Variants in STAB1 observed in about 807,000 individuals in gnomAD.
STAB1 encodes the protein stabilin-1.
A neutral mutation model predicts 332.4 loss-of-function variants in STAB1; 250 were observed. The ratio of observed to expected loss-of-function variants is 0.75; its 90% confidence interval spans 0.68 to 0.84. The LOEUF (loss-of-function observed/expected upper bound fraction) is 0.84, where lower values mean the gene tolerates loss of function less well. Ranked by LOEUF, STAB1 falls within the 40% of genes least tolerant of loss-of-function variation. STAB1 has a pLI of 0.00. For missense variants in STAB1, 3,249 were observed against 3,489.7 expected (o/e 0.93, Z 1.74); for synonymous variants, 1,475 against 1,390.4 (o/e 1.06, Z -1.35).
At chr3:52,521,203 G>A (rs2079060722) in intron 55 of STAB1, among the ~76,000 whole-genome samples, 158 bp from the exon 56 acceptor site, 1 of 152,138 alleles carries the variant, frequency 6.6e-6, no homozygotes, top group Non-Finnish European at 1.5e-5. Context: ...GAGGAGTGCT[G>A]GGGGGTCTGG....
intron 41 of STAB1, 81 bp from the exon 42 acceptor site, chr3:52,516,903 C>T: frequency 6.2e-7 from 1 of 1,601,236 alleles, no homozygotes; most frequent in Non-Finnish European, 8.5e-7. Context: ...CTGACCTTTT[C>T]CTTTCTCTCA....
At chr3:52,523,155 G>A in intron 63 of STAB1, 21 bp downstream of exon 63, 1 of 1,608,996 alleles carries the variant, frequency 6.2e-7, no homozygotes, top group African/African-American at 1.3e-5. Flanking sequence ...GCCACCCTTG[G>A]GGGCGGGGGG....
chr3:52,502,670 C>T lies in STAB1; in HGVS notation c.526C>T (p.Arg176Cys), dbSNP rs200400313. ...CVHGVCNHGP[R>C]GDGSCLCFAG... is the part of the protein sequence containing the mutation. ...GCACGGAGTGTGCAACCATGGGCCA[C>T]GTGGGGATGGAAGCTGCCTGTGCTT... Residue 176 changes from arginine (R) to cysteine (C), a missense_variant, in exon 6 of 69, where the codon CGT becomes TGT. By Grantham distance (180) the Arg-to-Cys change is radical (BLOSUM62 -3). Transcript: ENST00000321725. 210 of 1,613,684 alleles carry T rather than the reference C, an allele frequency of 1.3e-4. No homozygotes were observed. The highest frequency in any genetic ancestry group is 1.2e-4 in the Non-Finnish European group (137 of 1,179,918).
At position 52,521,699 on chromosome 3, in the gene STAB1, G is replaced by A; in HGVS notation, c.6162G>A (p.Leu2054=). The A allele has an allele frequency of 6.2e-6, 10 of 1,612,620 alleles. No homozygotes were observed. The highest frequency in any genetic ancestry group is 8.5e-6 in the Non-Finnish European group (10 of 1,179,784). ...GWTGPRCEVQ[L]ELQPVCTPPC... ...CTGGGCCACGCTGTGAGGTGCAACTGGGTGAGTAGCCCCGTGCTCGTGCCC... is the reference window on the plus strand; with the variant it reads ...CTGGGCCACGCTGTGAGGTGCAACTAGGTGAGTAGCCCCGTGCTCGTGCCC... Residue 2054 remains leucine, a splice_region_variant and synonymous_variant, in exon 57 of 69, where the codon CTG becomes CTA. Coordinates refer to ENST00000321725, the MANE Select transcript of STAB1 (RefSeq NM_015136.3).
intron 37 of STAB1, 101 bp downstream of exon 37, chr3:52,515,607 C>G: frequency 1.6e-6 from 2 of 1,282,374 alleles, no homozygotes; most frequent in Non-Finnish European, 2.2e-6. Context: ...AGGACAGAGA[C>G]TGGGCTGGGA....
chr3:52,514,375 C>G lies in STAB1; in HGVS notation c.3557C>G (p.Thr1186Arg). 1.9e-6 allele frequency: 3 copies of G among 1,539,032 alleles called. No individual in the cohort carries two copies. Among genetic ancestry groups the G allele is most frequent in the South Asian group, 2.5e-5 (2 of 78,826 alleles). The change falls in exon 34 of 69, where the codon ACA becomes AGA. Residue 1186 changes from threonine (T) to arginine (R), a missense_variant. Physicochemically the swap from Thr to Arg is moderately conservative, Grantham distance 71. Coordinates refer to ENST00000321725, the MANE Select transcript of STAB1 (RefSeq NM_015136.3). Reference protein sequence around the residue: ...QGNSSHLDADTVRHHVVLGEA... With the variant: ...QGNSSHLDADRVRHHVVLGEA... The stretch of plus-strand genomic sequence containing the variant: ...CTCCTTCTCTTCCAGGACGCAGACA[C>G]AGTGCGGCACCATGTGGTCCTGGGG...
chr3:52,524,234 G>A, intron 68 of STAB1, 21 bp downstream of exon 68: 2 of 1,614,060 alleles, frequency 1.2e-6, no homozygotes, highest in Non-Finnish European at 1.7e-6. Context: ...AAGTGAAGAA[G>A]TGTGGCAGAT....
At chr3:52,497,199 A>G (rs1309474141) in intron 1 of STAB1, among the ~76,000 whole-genome samples, 1 of 151,912 alleles carries the variant, frequency 6.6e-6, no homozygotes, top group Non-Finnish European at 1.5e-5. Flanking sequence ...CATGTTGACC[A>G]GGCTGGTCTG....
chr3:52,519,166 CCT>C (rs2078984617), intron 48 of STAB1, 96 bp from the exon 49 acceptor site: 1 of 1,507,100 alleles, frequency 6.6e-7, no homozygotes, highest in Non-Finnish European at 8.9e-7. Flanking sequence ...CTGCCTGCAC[CCT>C]GACTTGCCCA....
chr3:52,504,585 C>T (rs1708706054), intron 11 of STAB1, 36 bp downstream of exon 11: 4 of 1,613,060 alleles, frequency 2.5e-6, no homozygotes, highest in Non-Finnish European at 3.4e-6. Context: ...GGCCACTGGC[C>T]CTCACCTCCT....
chr3:52,514,025 C>G lies in STAB1; in HGVS notation c.3447+44C>G, dbSNP rs367586081. The G allele has an allele frequency of 5.7e-6, 9 of 1,592,248 alleles. No individual in the cohort carries two copies. The South Asian group carries it at 6.7e-5, about 12-fold the overall frequency. On this transcript the variant is annotated intron_variant, in intron 32 of 68. Transcript: ENST00000321725. The stretch of plus-strand genomic sequence containing the variant: ...AGGGGATGTGCCTGCTCGGGGGACA[C>G]TGTGCCCCAGGTCCAGAGGGACCTG...
At chr3:52,509,625 C>G (rs751647496) in intron 22 of STAB1, 26 of 599,794 alleles carry the variant, frequency 4.3e-5, no homozygotes, top group Middle Eastern at 4.4e-4. Flanking sequence ...GTCAGACACA[C>G]TGAAGAACTT....
In STAB1 at chr3:52,508,002, C is replaced by A. The variant is rs765120019; in HGVS notation, c.2124C>A (p.Ala708=). 28 of 1,613,504 alleles carry A rather than the reference C, an allele frequency of 1.7e-5. No individual in the cohort carries two copies. Among genetic ancestry groups the A allele is most frequent in the Non-Finnish European group, 2.2e-5 (26 of 1,179,996 alleles). The change falls in exon 20 of 69, where the codon GCC becomes GCA. Residue 708 remains alanine, a synonymous_variant. Transcript: ENST00000321725. ...TCAATGTGCTAAAGAAGGGCTGTGCCAGCTACTGCAACCAAACCATCATGG... is the reference window on the plus strand; with the variant it reads ...TCAATGTGCTAAAGAAGGGCTGTGCAAGCTACTGCAACCAAACCATCATGG... ...TGLNVLKKGC[A]SYCNQTIMEQ...
chr3:52,521,078 C>T, intron 55 of STAB1, 73 bp downstream of exon 55: 1 of 1,450,610 alleles, frequency 6.9e-7, no homozygotes, highest in East Asian at 2.5e-5. Flanking sequence ...TGGCCATTGT[C>T]CTTGAGAGAG....
Position 52,510,034 on chromosome 3 carries a change from G to A in STAB1, c.2512G>A (p.Val838Ile), listed in dbSNP as rs769127515. The A allele has an allele frequency of 1.9e-6, 3 of 1,608,886 alleles. No homozygotes were observed. Among genetic ancestry groups the A allele is most frequent in the Admixed American group, 1.7e-5 (1 of 59,856 alleles). ...AQHCHLHARC[V>I]SQEGVARCRC... ...GCACTGCCACCTGCATGCCCGCTGT[G>A]TTAGCCAGGAGGGTGTTGCCAGGTG... The change falls in exon 23 of 69, where the codon GTT (valine) becomes ATT (isoleucine). Residue 838 changes from valine (V) to isoleucine (I), a missense_variant. By Grantham distance (29) the Val-to-Ile change is conservative (BLOSUM62 3). Transcript: ENST00000321725.
At position 52,499,439 on chromosome 3, in the gene STAB1, C is replaced by A. The variant is rs116605254; in HGVS notation, c.79-1727C>A. Among the ~76,000 whole-genome samples, 101 of 152,342 alleles carry A rather than the reference C, an allele frequency of 6.6e-4. 1 individual carries two copies. The highest frequency in any genetic ancestry group is 2.3e-3 in the African/African-American group (97 of 41,578). ...TCCACGCCCCACCCAGTTGCTGAGA[C>A]CTTCTCCCAATTCATCTCACCACCC... On this transcript the variant is annotated intron_variant, in intron 1 of 68. Transcript: ENST00000321725.
rs537290478 is a variant in STAB1, at chr3:52,501,489, G to A, written c.216-149G>A. 5.8e-3 allele frequency: 6,295 copies of A among 1,085,540 alleles called. 30 individuals carry two copies. Among genetic ancestry groups the A allele is most frequent in the Middle Eastern group, 0.018 (61 of 3,430 alleles). 67.2% of individuals were successfully genotyped at this position (1,085,540 alleles called of 1,614,324 possible). A position where few individuals can be genotyped will look rare whatever the true frequency, so the allele number is the denominator to read the frequency against. On this transcript the variant is annotated intron_variant, in intron 2 of 68. Transcript: ENST00000321725. Reference sequence around the variant, plus strand: ...GGCGAGGGGCAGGAGGGGTTTATGGGGCACCTGCTATGTGCTAGGCCCTGT... The same window carrying A: ...GGCGAGGGGCAGGAGGGGTTTATGGAGCACCTGCTATGTGCTAGGCCCTGT...
intron 12 of STAB1, 42 bp from the exon 13 acceptor site, chr3:52,504,961 G>A (rs1033916041): frequency 2.5e-6 from 4 of 1,612,478 alleles, no homozygotes; most frequent in Non-Finnish European, 3.4e-6. Context: ...CGGACAGGGG[G>A]CTGGCATATG....
At position 52,508,277 on chromosome 3, in the gene STAB1, A is replaced by T. The variant is rs1709030243; in HGVS notation, c.2153A>T (p.Gln718Leu). 1 of 1,612,522 alleles carries T rather than the reference A, an allele frequency of 6.2e-7. No homozygotes were observed. The highest frequency in any genetic ancestry group is 1.7e-5 in the Admixed American group (1 of 59,978). ...ASYCNQTIME[Q>L]GCCKGFFGPD... ...GACCTGTTCTGTCTCTTATAGGAAC[A>T]AGGCTGCTGCAAAGGTTTTTTCGGG... Residue 718 changes from glutamine (Q) to leucine (L), a missense_variant, in exon 21 of 69, where the codon CAA becomes CTA. Transcript: ENST00000321725.
Sources: allele counts gnomAD v4.1 joint callset (sites outside exome capture counted in the v4.1 genomes callset), GRCh38; gene constraint gnomAD v4.1.1; transcripts MANE v1.5; gene names NCBI Gene and HGNC (gene_info 2026-07-23, HGNC 2026-07-21).